NAALADL2: variants seen among roughly 807,000 people sequenced by gnomAD.
NAALADL2 encodes inactive N-acetylated-alpha-linked acidic dipeptidase-like protein 2.
NAALADL2 carries 76 observed loss-of-function variants against 87.2 expected under a neutral mutation model. The ratio of observed to expected loss-of-function variants is 0.87; its 90% confidence interval spans 0.72 to 1.05. NAALADL2 has a LOEUF of 1.05. Among genes scored for constraint, NAALADL2 ranks in the 50% least tolerant of loss-of-function variants. The pLI, the probability that NAALADL2 is intolerant of heterozygous loss-of-function variation, is 0.00. For synonymous variants in NAALADL2, 354 were observed against 331.0 expected (o/e 1.07, Z -0.75); for missense variants, 1,089 against 945.8 (o/e 1.15, Z -1.99).
At chr3:174,535,090 C>T (rs774663590) in intron 1 of NAALADL2, among the ~76,000 whole-genome samples, 6 of 152,168 alleles carry the variant, frequency 3.9e-5, no homozygotes, top group Admixed American at 1.3e-4. Flanking sequence ...AATCTGCACA[C>T]ATTTAGCTTC....
chr3:174,767,451 G>T (rs1713957958), intron 3 of NAALADL2, among the ~76,000 whole-genome samples: 1 of 152,074 alleles, frequency 6.6e-6, no homozygotes, highest in Non-Finnish European at 1.5e-5. Context: ...TAACATTCAT[G>T]TTCCGAGGAG....
At chr3:175,565,567 C>CAG (rs1329026175) in intron 9 of NAALADL2, among the ~76,000 whole-genome samples, 1 of 152,078 alleles carries the variant, frequency 6.6e-6, no homozygotes, top group East Asian at 1.9e-4. Flanking sequence ...CTTACCCCAG[C>CAG]AGAGGCCTCA....
At chr3:175,166,591 A>G (rs893714191) in intron 2 of NAALADL2, among the ~76,000 whole-genome samples, 4 of 151,316 alleles carry the variant, frequency 2.6e-5, no homozygotes, top group African/African-American at 7.3e-5. Context: ...GTGGTTGGCC[A>G]TTTCTTCTTA....
At chr3:175,022,814 G>A (rs1751731570) in intron 1 of NAALADL2, among the ~76,000 whole-genome samples, 1 of 151,654 alleles carries the variant, frequency 6.6e-6, no homozygotes, top group Admixed American at 6.6e-5. Flanking sequence ...TATTCCACCT[G>A]CATCATCTTA....
intron 1 of NAALADL2, among the ~76,000 whole-genome samples, chr3:175,058,786 G>T (rs1285833313): frequency 1.3e-5 from 2 of 152,158 alleles, no homozygotes; most frequent in Non-Finnish European, 2.9e-5. Flanking sequence ...TTTTCTCTAC[G>T]GCAGCTAGAG....
At chr3:175,029,658 G>T (rs1752601990) in intron 1 of NAALADL2, among the ~76,000 whole-genome samples, 3 of 151,976 alleles carry the variant, frequency 2.0e-5, no homozygotes. Context: ...TGATTATATT[G>T]AAAAATGAAA....
Position 175,201,793 on chromosome 3 carries a change from G to GAA in NAALADL2, c.546-32125_546-32124dup, listed in dbSNP as rs149252405. 3.1e-3 allele frequency among the ~76,000 whole-genome samples: 432 copies of GAA among 137,692 alleles called. 2 individuals are homozygous for GAA. Among genetic ancestry groups the GAA allele is most frequent in the East Asian group, 0.015 (71 of 4,828 alleles). The allele number at this position is 137,692 out of a possible 152,430, so 90.3% of individuals were successfully genotyped here. On this transcript the variant is annotated intron_variant, in intron 2 of 13. Coordinates refer to ENST00000454872, the MANE Select transcript of NAALADL2 (RefSeq NM_207015.3). The stretch of plus-strand genomic sequence containing the variant: ...TTATTCAATTGAGGGTACTTATTTG[G>GAA]AAAAAAAAAAAAAACAAATTTGCAA...
intron 1 of NAALADL2, among the ~76,000 whole-genome samples, chr3:175,044,342 T>TTC (rs1005918380): frequency 6.6e-6 from 1 of 152,130 alleles, no homozygotes; most frequent in African/African-American, 2.4e-5. Flanking sequence ...TTGAAATCAT[T>TTC]TCTCTCTCTC....
intron 2 of NAALADL2, among the ~76,000 whole-genome samples, chr3:174,653,550 G>C (rs1046865265): frequency 6.6e-6 from 1 of 152,126 alleles, no homozygotes; most frequent in African/African-American, 2.4e-5. Context: ...CATGAGCTGA[G>C]AGGCTGGAAC....
At chr3:175,542,771 A>G (rs1712596875) in intron 9 of NAALADL2, among the ~76,000 whole-genome samples, 1 of 152,218 alleles carries the variant, frequency 6.6e-6, no homozygotes, top group South Asian at 2.1e-4. Flanking sequence ...GTTTAAATTC[A>G]TGTTGTTCCG....
intron 1 of NAALADL2, among the ~76,000 whole-genome samples, chr3:175,055,768 G>A (rs532734984): frequency 1.3e-5 from 2 of 151,936 alleles, no homozygotes; most frequent in East Asian, 1.9e-4. Context: ...TTTTTAGTAC[G>A]ACCATGCTTC....
At chr3:175,568,487 A>G (rs1233525255) in intron 9 of NAALADL2, among the ~76,000 whole-genome samples, 1 of 152,214 alleles carries the variant, frequency 6.6e-6, no homozygotes. Context: ...CCATGCGTTA[A>G]TGTGGTTTGT....
chr3:174,622,866 C>T (rs1026416436), intron 2 of NAALADL2, among the ~76,000 whole-genome samples: 3 of 151,954 alleles, frequency 2.0e-5, no homozygotes, highest in Admixed American at 1.3e-4. Flanking sequence ...TGGTGAAACC[C>T]CGCCTCTACT....
At chr3:174,798,421 A>G (rs1718401438) in intron 3 of NAALADL2, among the ~76,000 whole-genome samples, 1 of 152,164 alleles carries the variant, frequency 6.6e-6, no homozygotes, top group Admixed American at 6.6e-5. Context: ...GGTGTATTGA[A>G]GTTCCATATG....
intron 1 of NAALADL2, among the ~76,000 whole-genome samples, chr3:174,973,439 TTA>T (rs1410367368): frequency 2.6e-5 from 4 of 152,214 alleles, no homozygotes; most frequent in African/African-American, 9.6e-5. Flanking sequence ...TATATCCATT[TTA>T]TTTTTATGTG....
chr3:174,917,597 C>A (rs1734585049), intron 1 of NAALADL2, among the ~76,000 whole-genome samples: 1 of 152,096 alleles, frequency 6.6e-6, no homozygotes, highest in Admixed American at 6.6e-5. Flanking sequence ...ACACTATTAT[C>A]TTGCCCATTT....
intron 2 of NAALADL2, among the ~76,000 whole-genome samples, chr3:174,724,073 G>A (rs538656899): frequency 1.8e-4 from 28 of 152,214 alleles, no homozygotes; most frequent in Admixed American, 3.3e-4. Flanking sequence ...CTTTCTCCAT[G>A]TTATTCTCTA....
At chr3:175,319,993 T>C (rs2110385058) in intron 4 of NAALADL2, among the ~76,000 whole-genome samples, 1 of 152,316 alleles carries the variant, frequency 6.6e-6, no homozygotes, top group Middle Eastern at 3.4e-3. Context: ...ACTGCAAAAG[T>C]TAATACGCAA....
At chr3:174,491,045 A>G (rs1245560674) in intron 1 of NAALADL2, among the ~76,000 whole-genome samples, 2 of 152,168 alleles carry the variant, frequency 1.3e-5, no homozygotes, top group Non-Finnish European at 2.9e-5. Context: ...GAACTTAGCC[A>G]TAAGTGAATC....
Sources: allele counts gnomAD v4.1 joint callset (sites outside exome capture counted in the v4.1 genomes callset), GRCh38; gene constraint gnomAD v4.1.1; transcripts MANE v1.5; gene names NCBI Gene and HGNC (gene_info 2026-07-23, HGNC 2026-07-21).